Variants in GRID1 observed in about 807,000 individuals in gnomAD.
GRID1 encodes glutamate ionotropic receptor delta type subunit 1.
Under a neutral mutation model 98.0 loss-of-function variants are expected in GRID1, and 28 were observed. The observed-to-expected ratio is 0.29, with a 90% CI of 0.21 to 0.39. The LOEUF is 0.39. GRID1 is among the 10% of genes least tolerant of loss of function. The pLI, the probability that GRID1 is intolerant of heterozygous loss-of-function variation, is 1.00. For missense variants in GRID1, 1,111 were observed against 1,340.5 expected, an observed-to-expected ratio of 0.83 and a Z score of 2.67; for synonymous variants, 553 against 538.5, an observed-to-expected ratio of 1.03 and a Z score of -0.37.
chr10:86,187,649 G>A (rs2132005993), intron 3 of GRID1, among the ~76,000 whole-genome samples: 1 of 152,334 alleles, frequency 6.6e-6, no homozygotes, highest in South Asian at 2.1e-4. Context: ...AAGCACTGGG[G>A]CTACTCTTGG....
At chr10:86,082,869 C>T (rs1265460676) in intron 4 of GRID1, among the ~76,000 whole-genome samples, 1 of 152,178 alleles carries the variant, frequency 6.6e-6, no homozygotes, top group African/African-American at 2.4e-5. Context: ...CAAATGTTTC[C>T]TCCTTTGTAG....
chr10:86,117,044 C>T (rs1844592972), intron 4 of GRID1, among the ~76,000 whole-genome samples: 1 of 151,480 alleles, frequency 6.6e-6, no homozygotes, highest in African/African-American at 2.4e-5. Flanking sequence ...CCATCACCAC[C>T]ATCACCACTA....
chr10:85,628,104 C>T (rs965089378), intron 13 of GRID1, among the ~76,000 whole-genome samples: 4 of 151,000 alleles, frequency 2.6e-5, no homozygotes, highest in Admixed American at 2.0e-4. Flanking sequence ...TGTGGATGCA[C>T]GTGAGAATGT....
chr10:85,650,722 G>C (rs1456960749), intron 12 of GRID1, among the ~76,000 whole-genome samples: 1 of 152,236 alleles, frequency 6.6e-6, no homozygotes, highest in East Asian at 1.9e-4. Flanking sequence ...GTCAGAAAGG[G>C]TGAGTAGAGG....
intron 2 of GRID1, among the ~76,000 whole-genome samples, chr10:86,348,225 C>G (rs907090380): frequency 2.0e-5 from 3 of 151,770 alleles, no homozygotes; most frequent in Non-Finnish European, 2.9e-5. Context: ...TAGGCCTGTA[C>G]AGGCCTGGGA....
chr10:85,857,951 C>T (rs1843128911), intron 6 of GRID1, among the ~76,000 whole-genome samples: 2 of 152,174 alleles, frequency 1.3e-5, no homozygotes, highest in Admixed American at 6.5e-5. Context: ...AGTTAGGTGG[C>T]GCGAACTCTC....
At chr10:85,602,838 C>T in intron 15 of GRID1, 137 bp from the exon 16 acceptor site, 1 of 623,514 alleles carries the variant, frequency 1.6e-6, no homozygotes, top group Non-Finnish European at 2.8e-6. Context: ...TCATGTGGCT[C>T]CCACCTCCCC....
At chr10:86,339,047 GCTAT>G (rs1185827788) in intron 2 of GRID1, among the ~76,000 whole-genome samples, 1 of 152,114 alleles carries the variant, frequency 6.6e-6, no homozygotes, top group African/African-American at 2.4e-5. Context: ...CCTCCAAAGT[GCTAT>G]CTCTCACCTC....
At chr10:86,108,917 C>A (rs186902154) in intron 4 of GRID1, among the ~76,000 whole-genome samples, 1 of 152,310 alleles carries the variant, frequency 6.6e-6, no homozygotes, top group East Asian at 1.9e-4. Flanking sequence ...TAAGTGCCCA[C>A]CCTGTCCGGC....
At chr10:86,313,837 G>A (rs1297807256) in intron 2 of GRID1, among the ~76,000 whole-genome samples, 1 of 152,154 alleles carries the variant, frequency 6.6e-6, no homozygotes, top group East Asian at 1.9e-4. Context: ...GGCTCCCTGA[G>A]GGACAGCTGG....
At chr10:86,065,126 C>G (rs1220038904) in intron 4 of GRID1, among the ~76,000 whole-genome samples, 6 of 152,302 alleles carry the variant, frequency 3.9e-5, no homozygotes, top group Non-Finnish European at 8.8e-5. Context: ...TCACTGGCCT[C>G]CATAGACATC....
intron 4 of GRID1, among the ~76,000 whole-genome samples, chr10:85,994,436 C>T (rs1409784180): frequency 1.3e-5 from 2 of 152,204 alleles, no homozygotes; most frequent in East Asian, 3.9e-4. Context: ...TCAATCCTAG[C>T]ACCCGACATC....
intron 2 of GRID1, among the ~76,000 whole-genome samples, chr10:86,291,058 T>C (rs1847505833): frequency 6.6e-6 from 1 of 152,160 alleles, no homozygotes; most frequent in Non-Finnish European, 1.5e-5. Flanking sequence ...CCAGGACAGC[T>C]TGTGAAGATC....
At chr10:85,953,974 T>C (rs1446042899) in intron 4 of GRID1, among the ~76,000 whole-genome samples, 2 of 152,186 alleles carry the variant, frequency 1.3e-5, no homozygotes, top group Non-Finnish European at 2.9e-5. Context: ...GAAAGGAAAT[T>C]AATTTACAAA....
intron 12 of GRID1, among the ~76,000 whole-genome samples, chr10:85,679,376 C>T (rs1450181222): frequency 6.6e-6 from 1 of 152,198 alleles, no homozygotes; most frequent in South Asian, 2.1e-4. Flanking sequence ...TCACTAACTC[C>T]CACAATGAAG....
chr10:86,313,106 G>T (rs1033897441), intron 2 of GRID1, among the ~76,000 whole-genome samples: 2 of 152,230 alleles, frequency 1.3e-5, no homozygotes, highest in African/African-American at 4.8e-5. Flanking sequence ...GCTGGGGGAG[G>T]AGCCTGGGCA....
chr10:86,346,563 C>G (rs892174339), intron 2 of GRID1, among the ~76,000 whole-genome samples: 1 of 152,248 alleles, frequency 6.6e-6, no homozygotes, highest in Non-Finnish European at 1.5e-5. Context: ...CTAGCTTTGC[C>G]TCACAGTGCT....
chr10:85,852,613 C>G (rs926310915), intron 8 of GRID1, among the ~76,000 whole-genome samples: 52 of 152,190 alleles, frequency 3.4e-4, no homozygotes, highest in African/African-American at 1.2e-3. Flanking sequence ...GCGCCAGGAC[C>G]GTGGTCGATG....
rs1056678212 is a variant in GRID1 at position 85,943,787 on chromosome 10, A to G, written c.727-27548T>C. On this transcript the variant is annotated intron_variant, in intron 4 of 15. Transcript: ENST00000327946. ...AAAGGATTGCAAAAGCAATGCAGAG[A>G]AAAAGAAATTGAAAAGGCTAATGTG... Among the ~76,000 whole-genome samples, 224 of 152,348 alleles carry G rather than the reference A, an allele frequency of 1.5e-3. 1 individual carries two copies. Among genetic ancestry groups the G allele is most frequent in the African/African-American group, 5.1e-3 (210 of 41,584 alleles).
Sources: allele counts gnomAD v4.1 joint callset (sites outside exome capture counted in the v4.1 genomes callset), GRCh38; gene constraint gnomAD v4.1.1; transcripts MANE v1.5; gene names NCBI Gene and HGNC (gene_info 2026-07-23, HGNC 2026-07-21).